The following GPC5 variants were observed in gnomAD, a reference collection of about 807,000 sequenced individuals.
GPC5 encodes glypican 5.
Under a neutral mutation model 53.9 loss-of-function variants are expected in GPC5, and 47 were observed. The ratio of observed to expected loss-of-function variants is 0.87; its 90% CI spans 0.69 to 1.11. The LOEUF (loss-of-function observed/expected upper bound fraction) is 1.11. Ranked by LOEUF, GPC5 falls within the 50% of genes most tolerant of loss-of-function variation. The pLI is 0.00. For missense variants in GPC5, 748 were observed against 713.1 expected (o/e 1.05, Z -0.56); for synonymous variants, 286 against 263.3 (o/e 1.09, Z -0.84).
chr13:92,367,419 C>A (rs1326539407), intron 7 of GPC5, among the ~76,000 whole-genome samples: 1 of 152,126 alleles, frequency 6.6e-6, no homozygotes, highest in Non-Finnish European at 1.5e-5. Context: ...GAAGAATTTT[C>A]TTTGTAATGG....
chr13:91,513,322 A>G (rs1434208046), intron 2 of GPC5, among the ~76,000 whole-genome samples: 1 of 151,786 alleles, frequency 6.6e-6, no homozygotes, highest in Non-Finnish European at 1.5e-5. Flanking sequence ...TACTGGTCTT[A>G]TTTAGATTTC....
At chr13:92,173,369 C>T (rs1275754683) in intron 7 of GPC5, among the ~76,000 whole-genome samples, 1 of 152,090 alleles carries the variant, frequency 6.6e-6, no homozygotes. Flanking sequence ...TATGTGAAGA[C>T]CCTGATATCT....
intron 7 of GPC5, among the ~76,000 whole-genome samples, chr13:92,192,714 T>A (rs2042231189): frequency 6.6e-6 from 1 of 152,236 alleles, no homozygotes; most frequent in African/African-American, 2.4e-5. Flanking sequence ...TTTAGATTAA[T>A]TTTATGTCTA....
intron 6 of GPC5, among the ~76,000 whole-genome samples, chr13:92,003,305 A>C (rs2040573104): frequency 7.0e-6 from 1 of 142,816 alleles, no homozygotes; most frequent in Admixed American, 7.4e-5. Context: ...TGGGCAACAG[A>C]GTGAGTCTCT....
intron 2 of GPC5, among the ~76,000 whole-genome samples, chr13:91,679,741 G>A (rs893917128): frequency 6.6e-6 from 1 of 152,112 alleles, no homozygotes; most frequent in Admixed American, 6.5e-5. Context: ...AGAAAGTCCA[G>A]ATAAAACAGC....
chr13:92,291,332 C>A (rs1395451581), intron 7 of GPC5, among the ~76,000 whole-genome samples: 1 of 152,174 alleles, frequency 6.6e-6, no homozygotes, highest in Admixed American at 6.5e-5. Flanking sequence ...ACTTGGAGAA[C>A]CTTTATGTCT....
intron 3 of GPC5, among the ~76,000 whole-genome samples, chr13:91,696,591 A>G (rs2035883584): frequency 6.6e-6 from 1 of 152,292 alleles, no homozygotes; most frequent in Middle Eastern, 3.4e-3. Context: ...CACATTCCCA[A>G]AGAAATCTCT....
At chr13:92,329,188 T>C (rs2043272128) in intron 7 of GPC5, among the ~76,000 whole-genome samples, 2 of 152,278 alleles carry the variant, frequency 1.3e-5, no homozygotes, top group South Asian at 2.1e-4. Context: ...GGGTAATTGA[T>C]AAATAAGGCA....
chr13:91,405,134 G>T lies in GPC5; in HGVS notation c.163+5925G>T, dbSNP rs192536693. Among the ~76,000 whole-genome samples, 102 of 152,250 alleles carry T rather than the reference G, an allele frequency of 6.7e-4. No individual in the cohort carries two copies. The East Asian group carries it at 0.015, about 23-fold the overall frequency. On this transcript the variant is annotated intron_variant, in intron 1 of 7. Transcript: ENST00000377067. ...ACATACATGGCTGAGGACATCAAAG[G>T]CACATGTGCCAAACTCCTACACAAC...
intron 2 of GPC5, among the ~76,000 whole-genome samples, chr13:91,647,074 TG>T (rs2034576894): frequency 1.3e-4 from 1 of 7,994 alleles, no homozygotes; most frequent in African/African-American, 2.6e-3. Flanking sequence ...TATATGCGTG[TG>T]TGTGTGTGTG....
chr13:92,413,242 A>G (rs1359550672), intron 7 of GPC5, among the ~76,000 whole-genome samples: 1 of 152,204 alleles, frequency 6.6e-6, no homozygotes, highest in African/African-American at 2.4e-5. Flanking sequence ...TAAGCCATGC[A>G]TTATACTGAG....
chr13:92,716,226 T>C (rs563623802), intron 7 of GPC5, among the ~76,000 whole-genome samples: 39 of 152,256 alleles, frequency 2.6e-4, no homozygotes, highest in African/African-American at 9.4e-4. Flanking sequence ...TCTTTCATGT[T>C]TATAAGAAGA....
chr13:92,495,050 G>C (rs746284004), intron 7 of GPC5, among the ~76,000 whole-genome samples: 1 of 152,130 alleles, frequency 6.6e-6, no homozygotes, highest in Non-Finnish European at 1.5e-5. Flanking sequence ...TTGTTTGCAG[G>C]AAGTAAAATT....
At chr13:91,495,201 T>C (rs1884179302) in intron 2 of GPC5, among the ~76,000 whole-genome samples, 1 of 152,152 alleles carries the variant, frequency 6.6e-6, no homozygotes, top group African/African-American at 2.4e-5. Flanking sequence ...AATACAAATA[T>C]ATCCACAATC....
At position 92,703,050 on chromosome 13, in the gene GPC5, A is replaced by ATT. The variant is rs1319190562; in HGVS notation, c.1562-163231_1562-163230insTT. On this transcript the variant is annotated intron_variant, in intron 7 of 7. Transcript: ENST00000377067. ...CCTCATCCCTATACCTGGCATATATATATATTTATTTATTTATTTATTTAT... is the reference window on the plus strand; with the variant it reads ...CCTCATCCCTATACCTGGCATATATATTTATATTTATTTATTTATTTATTTAT... Among the ~76,000 whole-genome samples the ATT allele has an allele frequency of 1.4e-3, 185 of 131,062 alleles. 1 individual carries two copies. The highest frequency in any genetic ancestry group is 4.9e-3 in the African/African-American group (172 of 34,876). 86.0% of individuals were successfully genotyped at this position (131,062 alleles called of 152,430 possible).
At chr13:92,127,566 A>G in intron 6 of GPC5, among the ~76,000 whole-genome samples, 1 of 152,290 alleles carries the variant, frequency 6.6e-6, no homozygotes, top group African/African-American at 2.4e-5. Flanking sequence ...AAATATTAAT[A>G]TTCCTTGAAT....
chr13:92,262,865 C>T (rs2042776159), intron 7 of GPC5, among the ~76,000 whole-genome samples: 1 of 152,196 alleles, frequency 6.6e-6, no homozygotes, highest in Non-Finnish European at 1.5e-5. Context: ...AGCTCTTTCT[C>T]ATCATGTGCT....
chr13:91,832,075 T>A (rs1207493026), intron 5 of GPC5, among the ~76,000 whole-genome samples: 1 of 152,004 alleles, frequency 6.6e-6, no homozygotes, highest in Non-Finnish European at 1.5e-5. Context: ...AGTCTCCCAC[T>A]ATTATTGTGT....
At chr13:92,519,552 C>A (rs1323166362) in intron 7 of GPC5, among the ~76,000 whole-genome samples, 1 of 152,168 alleles carries the variant, frequency 6.6e-6, no homozygotes, top group Non-Finnish European at 1.5e-5. Flanking sequence ...GAAATGAAGG[C>A]AGAAATAAAG....
Sources: gnomAD v4.1 joint callset for allele counts (sites outside exome capture counted in the v4.1 genomes callset) on GRCh38, gnomAD v4.1.1 for gene constraint, MANE v1.5 for transcripts, NCBI Gene and HGNC (gene_info 2026-07-23, HGNC 2026-07-21) for gene names.